Variants in MACF1 observed in about 807,000 individuals in gnomAD.
MACF1 encodes the protein microtubule actin crosslinking factor 1.
Under a neutral mutation model 854.8 loss-of-function variants are expected in MACF1, and 193 were observed. That is an observed-to-expected ratio of 0.23 (90% CI 0.20 to 0.25). MACF1 has a LOEUF of 0.25. Ranked by LOEUF, MACF1 falls within the 10% of genes least tolerant of loss-of-function variation. The pLI is 1.00. For synonymous variants in MACF1, 3,185 were observed against 3,226.7 expected, an observed-to-expected ratio of 0.99 and a Z score of 0.44; for missense variants, 7,722 against 8,929.1, an observed-to-expected ratio of 0.86 and a Z score of 5.45.
chr1:39,189,633 T>G (rs1644220195), intron 2 of MACF1, among the ~76,000 whole-genome samples: 1 of 152,232 alleles, frequency 6.6e-6, no homozygotes, highest in African/African-American at 2.4e-5. Flanking sequence ...TATTTCAGAC[T>G]GTTGAAATCC....
At chr1:39,262,140 A>G (rs1156845506) in intron 6 of MACF1, among the ~76,000 whole-genome samples, 1 of 152,218 alleles carries the variant, frequency 6.6e-6, no homozygotes, top group East Asian at 1.9e-4. Flanking sequence ...AATGGCTCAC[A>G]CCTGTAATCC....
intron 26 of MACF1, among the ~76,000 whole-genome samples, chr1:39,314,545 T>C (rs1646370073): frequency 7.9e-6 from 1 of 127,166 alleles, no homozygotes. Flanking sequence ...TCTCAATTTC[T>C]CTTTCTCTCT....
intron 2 of MACF1, among the ~76,000 whole-genome samples, chr1:39,167,252 G>T (rs188563464): frequency 1.3e-5 from 2 of 149,656 alleles, no homozygotes; most frequent in Non-Finnish European, 3.0e-5. Context: ...TTGAGCCACC[G>T]CACACAGCCA....
intron 4 of MACF1, 27 bp downstream of exon 4, chr1:39,251,968 C>A (rs1645044614): frequency 6.9e-7 from 1 of 1,442,366 alleles, no homozygotes; most frequent in African/African-American, 1.4e-5. Context: ...ATGCCAGCAT[C>A]CCAGCTGGCA....
At chr1:39,111,681 A>G (rs1207248928) in intron 2 of MACF1, among the ~76,000 whole-genome samples, 2 of 151,970 alleles carry the variant, frequency 1.3e-5, no homozygotes, top group Non-Finnish European at 1.5e-5. Context: ...GCACCTGGCA[A>G]TTATTTTATT....
At chr1:39,093,373 T>A (rs1427206640) in intron 2 of MACF1, among the ~76,000 whole-genome samples, 1 of 137,674 alleles carries the variant, frequency 7.3e-6, no homozygotes, top group Admixed American at 8.4e-5. Context: ...TGGAGTGCAA[T>A]GGCTCAATCT....
At position 39,460,393 on chromosome 1, in the gene MACF1, A is replaced by G. The variant is rs1644531335; in HGVS notation, c.21361-239A>G. Among the ~76,000 whole-genome samples the G allele has an allele frequency of 6.6e-6, 1 of 152,208 alleles. No individual in the cohort carries two copies. Among genetic ancestry groups the G allele is most frequent in the African/African-American group, 2.4e-5 (1 of 41,454 alleles). ...TCATTCTGTGTGCTCCATATTTTCCATGGTGATTCAGTTATTGTTTCTCTT... is the reference window on the plus strand; with the variant it reads ...TCATTCTGTGTGCTCCATATTTTCCGTGGTGATTCAGTTATTGTTTCTCTT... On this transcript the variant is annotated intron_variant, in intron 91 of 100. Transcript: ENST00000564288. This position sits in a 1 kb window ranked among gnomAD's most constrained non-coding sequence, Gnocchi z 4.1.
intron 57 of MACF1, among the ~76,000 whole-genome samples, chr1:39,386,775 AGC>A (rs747724491): frequency 1.3e-5 from 2 of 150,846 alleles, no homozygotes; most frequent in Non-Finnish European, 3.0e-5. Context: ...TTGTTGCCCA[AGC>A]TAGTCTTGAA....
At position 39,403,837 on chromosome 1, in the gene MACF1, TG is replaced by T. The variant is rs202180229; in HGVS notation, c.15816+15182del. On this transcript the variant is annotated intron_variant, in intron 58 of 100. Transcript: ENST00000564288. ...CCCAAAGTCCTCATTTAAAAATTTT[TG>T]GGCGGGGGGGCCGGGCTTCGTGGCT... 9.5e-4 allele frequency among the ~76,000 whole-genome samples: 116 copies of T among 122,294 alleles called. 1 individual carries two copies. Among genetic ancestry groups the T allele is most frequent in the Admixed American group, 2.6e-3 (35 of 13,350 alleles). The allele number at this position is 122,294 out of a possible 152,430, so 80.2% of individuals were successfully genotyped here.
intron 15 of MACF1, among the ~76,000 whole-genome samples, 161 bp from the exon 16 acceptor site, chr1:39,291,749 G>T (rs189429692): frequency 6.6e-6 from 1 of 152,196 alleles, no homozygotes; most frequent in Non-Finnish European, 1.5e-5. Flanking sequence ...CGGTGATGAT[G>T]GCGTAATTTT....
intron 93 of MACF1, among the ~76,000 whole-genome samples, chr1:39,462,492 C>T (rs1039456813): frequency 5.3e-5 from 8 of 151,648 alleles, no homozygotes; most frequent in Admixed American, 2.0e-4. Flanking sequence ...ATCACTGGAG[C>T]CCAGGAGTTC....
intron 15 of MACF1, among the ~76,000 whole-genome samples, chr1:39,290,396 CATTTCTA>C (rs1645750632): frequency 6.6e-6 from 1 of 152,026 alleles, no homozygotes; most frequent in Non-Finnish European, 1.5e-5. Flanking sequence ...TCTATGTGTC[CATTTCTA>C]GGCTAGTACT....
chr1:39,190,219 G>C (rs570484813), intron 2 of MACF1, among the ~76,000 whole-genome samples: 1 of 151,928 alleles, frequency 6.6e-6, no homozygotes, highest in Admixed American at 6.6e-5. Context: ...TTTGGTTTTA[G>C]TAATTAGGTA....
chr1:39,340,886 T>G lies in MACF1; in HGVS notation c.10514T>G (p.Leu3505Arg). 6.2e-7 allele frequency: 1 copy of G among 1,614,086 alleles called. No homozygotes were observed. The highest frequency in any genetic ancestry group is 8.5e-7 in the Non-Finnish European group (1 of 1,179,934). Residue 3505 changes from leucine (L) to arginine (R), a missense_variant, in exon 40 of 101, where the codon CTG (leucine) becomes CGG (arginine). By Grantham distance (102) the Leu-to-Arg change is moderately radical (BLOSUM62 -2). Coordinates refer to ENST00000564288, the MANE Select transcript of MACF1 (RefSeq NM_001394062.1). ...RAWVGNKNLILNSKGSNSEID... is the reference protein window; with the variant it reads ...RAWVGNKNLIRNSKGSNSEID... ...TGGGTTGGCAATAAAAATCTTATTC[T>G]GAACAGCAAGGGATCTAACAGTGAA...
intron 22 of MACF1, among the ~76,000 whole-genome samples, chr1:39,301,957 A>C (rs1203301458): frequency 6.7e-6 from 1 of 150,194 alleles, no homozygotes; most frequent in African/African-American, 2.5e-5. Context: ...AATACAGACT[A>C]TGCTTGTCTG....
chr1:39,395,550 A>G (rs1325297110), intron 58 of MACF1, among the ~76,000 whole-genome samples: 2 of 152,190 alleles, frequency 1.3e-5, no homozygotes, highest in African/African-American at 2.4e-5. Context: ...TGTTTGGTTG[A>G]TGATGCATTG....
chr1:39,103,177 C>A (rs1642136588), intron 2 of MACF1: 2 of 382,754 alleles, frequency 5.2e-6, no homozygotes, highest in Non-Finnish European at 1.0e-5. Flanking sequence ...CTTCTCCCTG[C>A]AACGCCCCCA....
intron 88 of MACF1, 76 bp downstream of exon 88, chr1:39,453,926 C>T (rs959053901): frequency 6.1e-6 from 9 of 1,483,780 alleles, no homozygotes; most frequent in Non-Finnish European, 8.2e-6. Flanking sequence ...ATTTTTCCCC[C>T]AGGTAAGGAA....
At chr1:39,092,870 G>A (rs1003620977) in intron 2 of MACF1, among the ~76,000 whole-genome samples, 2 of 151,750 alleles carry the variant, frequency 1.3e-5, no homozygotes, top group East Asian at 3.9e-4. Flanking sequence ...TGCAACCTCC[G>A]CCTCCCGGGT....
Sources: gnomAD v4.1 joint callset for allele counts (sites outside exome capture counted in the v4.1 genomes callset) on GRCh38, gnomAD v4.1.1 for gene constraint, Gnocchi (gnomAD v3.1) non-coding constraint, MANE v1.5 for transcripts, NCBI Gene and HGNC (gene_info 2026-07-23, HGNC 2026-07-21) for gene names.